ARL13B: variants seen among roughly 807,000 people sequenced by gnomAD.
ARL13B encodes ARF like GTPase 13B.
A neutral mutation model predicts 56.1 loss-of-function variants in ARL13B; 36 were observed. The observed-to-expected ratio is 0.64, with a 90% confidence interval of 0.49 to 0.85. ARL13B has a LOEUF of 0.85. Ranked by LOEUF, ARL13B falls within the 40% of genes least tolerant of loss-of-function variation. The pLI is 0.00. For synonymous variants in ARL13B, 178 were observed against 171.1 expected, an observed-to-expected ratio of 1.04 and a Z score of -0.32; for missense variants, 519 against 507.1, an observed-to-expected ratio of 1.02 and a Z score of -0.23.
intron 1 of ARL13B, among the ~76,000 whole-genome samples, chr3:93,988,080 A>T (rs191535018): frequency 6.2e-4 from 94 of 152,322 alleles, no homozygotes; most frequent in African/African-American, 2.2e-3. Flanking sequence ...ACAGTTTAAT[A>T]GCATGTACAC....
Position 94,020,053 on chromosome 3 carries a change from C to T in ARL13B, c.381-15278C>T, listed in dbSNP as rs924625754. Among the ~76,000 whole-genome samples, 3 of 152,086 alleles carry T rather than the reference C, an allele frequency of 2.0e-5. No homozygotes were observed. In the South Asian group the frequency reaches 6.2e-4, roughly 32 times the overall value. ...ACTATTTAACATACCATGTATTTTACTTATTTATATTAACTTAATTGTCTA... is the reference window on the plus strand; with the variant it reads ...ACTATTTAACATACCATGTATTTTATTTATTTATATTAACTTAATTGTCTA... On this transcript the variant is annotated intron_variant, in intron 3 of 9. Transcript: ENST00000394222.
intron 9 of ARL13B, among the ~76,000 whole-genome samples, chr3:94,052,030 G>C (rs536279069): frequency 6.6e-6 from 1 of 151,576 alleles, no homozygotes; most frequent in African/African-American, 2.4e-5. Flanking sequence ...ACTTGACATC[G>C]TGATGTTTAT....
chr3:94,049,126 A>AT (rs902363797), intron 7 of ARL13B, among the ~76,000 whole-genome samples: 5 of 152,126 alleles, frequency 3.3e-5, no homozygotes, highest in African/African-American at 4.8e-5. Context: ...GTCATATGAC[A>AT]TTTTTTTGTA....
chr3:94,043,106 A>T lies in ARL13B; in HGVS notation c.890A>T (p.Gln297Leu), dbSNP rs1393420977. The change falls in exon 7 of 10, where the codon CAA becomes CTA. Residue 297 changes from glutamine (Q) to leucine (L), a missense_variant. Gln to Leu is a moderately radical substitution (Grantham distance 113). Coordinates refer to ENST00000394222, the MANE Select transcript of ARL13B (RefSeq NM_001174150.2). The stretch of plus-strand genomic sequence containing the variant: ...CTGAAACATAAAATGGAGCATGAGC[A>T]AATAGAGACACAAGGCCAGGTTAAT... ...CHLKHKMEHE[Q>L]IETQGQVNHN... The T allele has an allele frequency of 6.2e-7, 1 of 1,613,696 alleles. No individual in the cohort carries two copies. Among genetic ancestry groups the T allele is most frequent in the African/African-American group, 1.3e-5 (1 of 74,936 alleles).
chr3:94,013,494 C>T (rs1401682779), intron 3 of ARL13B, among the ~76,000 whole-genome samples: 3 of 152,176 alleles, frequency 2.0e-5, no homozygotes, highest in African/African-American at 4.8e-5. Flanking sequence ...TAATACATTG[C>T]CCTGTATGGA....
At position 94,053,546 on chromosome 3, in the gene ARL13B, C is replaced by T. The variant is rs1390728981; in HGVS notation, c.*283C>T. ...TGGTTTATACATCCCCACTCATGAG[C>T]ATACTTCTGAAGGAAAACTTTACAA... On this transcript the variant is annotated 3_prime_UTR_variant, in exon 10 of 10. Coordinates refer to ENST00000394222, the MANE Select transcript of ARL13B (RefSeq NM_001174150.2). 3 of 559,824 alleles carry T rather than the reference C, an allele frequency of 5.4e-6. No homozygotes were observed. Among genetic ancestry groups the T allele is most frequent in the Non-Finnish European group, 1.0e-5 (3 of 296,306 alleles). The allele number at this position is 559,824 out of a possible 1,614,324, so 34.7% of individuals were successfully genotyped here. A position where few individuals can be genotyped will look rare whatever the true frequency, so the allele number is the denominator to read the frequency against.
intron 7 of ARL13B, among the ~76,000 whole-genome samples, chr3:94,046,288 T>C (rs919389255): frequency 1.3e-5 from 2 of 152,168 alleles, no homozygotes; most frequent in Non-Finnish European, 2.9e-5. Flanking sequence ...CCCTCTCTAC[T>C]TCTCCACCTC....
intron 6 of ARL13B, among the ~76,000 whole-genome samples, chr3:94,041,910 A>T (rs575269919): frequency 1.8e-4 from 27 of 152,136 alleles, no homozygotes; most frequent in Non-Finnish European, 3.2e-4. Context: ...AATACAAAAA[A>T]TTAGCCAGGC....
At chr3:94,034,843 A>G (rs184159677) in intron 3 of ARL13B, among the ~76,000 whole-genome samples, 1 of 152,312 alleles carries the variant, frequency 6.6e-6, no homozygotes, top group Admixed American at 6.5e-5. Context: ...CTTAAAAACT[A>G]TTTTAGCAAT....
chr3:94,053,626 C>G lies in ARL13B; in HGVS notation c.*363C>G, dbSNP rs907370724. ...ACTATTTGTTCAATAGCCTATATTT[C>G]TAGATATTAAATATTTTTTGTAAGA... is the stretch of plus-strand genomic sequence containing the variant. On this transcript the variant is annotated 3_prime_UTR_variant, in exon 10 of 10. Coordinates refer to ENST00000394222, the MANE Select transcript of ARL13B (RefSeq NM_001174150.2). 5.1e-5 allele frequency: 23 copies of G among 452,444 alleles called. No homozygotes were observed. Among genetic ancestry groups the G allele is most frequent in the Admixed American group, 1.4e-4 (6 of 41,600 alleles). 28.0% of individuals were successfully genotyped at this position (452,444 alleles called of 1,614,324 possible). A position where few individuals can be genotyped will look rare whatever the true frequency, so the allele number is the denominator to read the frequency against.
At chr3:93,988,722 T>C (rs186673570) in intron 1 of ARL13B, 7 of 454,582 alleles carry the variant, frequency 1.5e-5, no homozygotes, top group African/African-American at 6.2e-5. Context: ...GTAAATCTTA[T>C]TTAGTTTCTT....
chr3:94,040,077 G>A, intron 6 of ARL13B, 89 bp downstream of exon 6: 1 of 1,085,064 alleles, frequency 9.2e-7, no homozygotes, highest in Non-Finnish European at 1.4e-6. Context: ...AGGAGGCAGG[G>A]AAACAGATGT....
chr3:94,039,512 A>C (rs2076826681), intron 5 of ARL13B, among the ~76,000 whole-genome samples: 1 of 151,766 alleles, frequency 6.6e-6, no homozygotes, highest in Non-Finnish European at 1.5e-5. Context: ...AAAAAAAAAA[A>C]AAAAAAAAGA....
chr3:94,024,689 G>A (rs571970404), intron 3 of ARL13B, among the ~76,000 whole-genome samples: 22 of 152,096 alleles, frequency 1.4e-4, no homozygotes, highest in Admixed American at 4.6e-4. Context: ...AGGCTCAAGT[G>A]ATCCTTCTCC....
chr3:94,022,863 T>A (rs2107014980), intron 3 of ARL13B, among the ~76,000 whole-genome samples: 1 of 152,034 alleles, frequency 6.6e-6, no homozygotes, highest in South Asian at 2.1e-4. Context: ...ATTACCAAAG[T>A]TTTTCACCTG....
At position 94,053,769 on chromosome 3, in the gene ARL13B, T is replaced by A; in HGVS notation, c.*506T>A. On this transcript the variant is annotated 3_prime_UTR_variant, in exon 10 of 10. Coordinates refer to ENST00000394222, the MANE Select transcript of ARL13B (RefSeq NM_001174150.2). ...CTGTGATATTGATTATACACCTTTT[T>A]TATAGATGATTTGTTTAAATTATAT... 3.4e-6 allele frequency: 1 copy of A among 297,742 alleles called. No homozygotes were observed. Among genetic ancestry groups the A allele is most frequent in the Non-Finnish European group, 6.5e-6 (1 of 153,872 alleles). The allele number at this position is 297,742 out of a possible 1,614,324, so 18.4% of individuals were successfully genotyped here. A position where few individuals can be genotyped will look rare whatever the true frequency, so the allele number is the denominator to read the frequency against.
intron 1 of ARL13B, among the ~76,000 whole-genome samples, chr3:93,989,460 G>A (rs889690023): frequency 5.3e-5 from 8 of 152,048 alleles, no homozygotes; most frequent in African/African-American, 1.4e-4. Context: ...AGGAATCCTC[G>A]GCATGGCAGG....
intron 1 of ARL13B, among the ~76,000 whole-genome samples, chr3:93,984,722 T>G (rs1710367002): frequency 1.3e-5 from 2 of 152,202 alleles, no homozygotes; most frequent in Non-Finnish European, 2.9e-5. Context: ...TATAAACATT[T>G]AAAATGTTTG....
At chr3:94,053,121 G>T in intron 9 of ARL13B, 66 bp from the exon 10 acceptor site, 1 of 1,289,382 alleles carries the variant, frequency 7.8e-7, no homozygotes, top group South Asian at 1.2e-5. Flanking sequence ...AAAAAATAAT[G>T]AACTGTGTCA....
Sources: gnomAD v4.1 joint callset for allele counts (sites outside exome capture counted in the v4.1 genomes callset) on GRCh38, gnomAD v4.1.1 for gene constraint, MANE v1.5 for transcripts, NCBI Gene and HGNC (gene_info 2026-07-23, HGNC 2026-07-21) for gene names.